PIEZO2: variants seen among roughly 807,000 people sequenced by gnomAD.
PIEZO2 encodes the protein piezo-type mechanosensitive ion channel component 2.
PIEZO2 carries 172 observed loss-of-function variants against 337.3 expected under a neutral mutation model. That is an observed-to-expected ratio of 0.51 (90% CI 0.45 to 0.58). PIEZO2 has a LOEUF of 0.58. Ranked by LOEUF, PIEZO2 falls within the 20% of genes least tolerant of loss-of-function variation. PIEZO2 has a pLI of 0.00. For synonymous variants in PIEZO2, 1,251 were observed against 1,228.5 expected, an observed-to-expected ratio of 1.02 and a Z score of -0.38; for missense variants, 3,028 against 3,391.3, an observed-to-expected ratio of 0.89 and a Z score of 2.66.
At position 10,877,385 on chromosome 18, in the gene PIEZO2, A is replaced by G. The variant is rs1025520834; in HGVS notation, c.330-5970T>C. On this transcript the variant is annotated intron_variant, in intron 4 of 55. Transcript: ENST00000674853. This position sits in a 1 kb window ranked among gnomAD's most constrained non-coding sequence, Gnocchi z 5.3. ...AAATGGTTTTAAGGGCAAATAATGT[A>G]ATGCCCAGTCCAACTCGTCCGCTGA... is the stretch of plus-strand genomic sequence containing the variant. 6.6e-6 allele frequency among the ~76,000 whole-genome samples: 1 copy of G among 152,260 alleles called. No homozygotes were observed. Among genetic ancestry groups the G allele is most frequent in the African/African-American group, 2.4e-5 (1 of 41,472 alleles).
chr18:10,793,326 T>C (rs894430037), intron 13 of PIEZO2, among the ~76,000 whole-genome samples: 14 of 152,224 alleles, frequency 9.2e-5, no homozygotes, highest in Non-Finnish European at 1.8e-4. Flanking sequence ...GATGTATTAC[T>C]ATCTTCTATG....
In PIEZO2 at chr18:10,784,427, T is replaced by C. The variant is rs920661099; in HGVS notation, c.2492+357A>G. Among the ~76,000 whole-genome samples, 19 of 152,220 alleles carry C rather than the reference T, an allele frequency of 1.2e-4. No homozygotes were observed. Among genetic ancestry groups the C allele is most frequent in the African/African-American group, 4.3e-4 (18 of 41,450 alleles). ...ACTTCTGTACTTGTGGTTGGCATAA[T>C]GGAAAAATCCTCTGAATTAGCCAGA... On this transcript the variant is annotated intron_variant, in intron 17 of 55. Coordinates refer to ENST00000674853, the MANE Select transcript of PIEZO2 (RefSeq NM_001378183.1). This position sits in a 1 kb window ranked among gnomAD's most constrained non-coding sequence, Gnocchi z 4.5.
intron 4 of PIEZO2, among the ~76,000 whole-genome samples, chr18:10,905,421 T>C (rs1262725113): frequency 2.0e-5 from 3 of 151,936 alleles, no homozygotes; most frequent in Admixed American, 2.0e-4. Flanking sequence ...CTGTCCCTAC[T>C]AAAAATACAA....
At chr18:10,818,884 T>C (rs1432876327) in intron 7 of PIEZO2, among the ~76,000 whole-genome samples, 1 of 152,212 alleles carries the variant, frequency 6.6e-6, no homozygotes, top group African/African-American at 2.4e-5. Flanking sequence ...TTAGAATATA[T>C]AACCGAATTA....
chr18:10,928,486 G>A (rs2031888398), intron 3 of PIEZO2, among the ~76,000 whole-genome samples: 1 of 152,214 alleles, frequency 6.6e-6, no homozygotes, highest in African/African-American at 2.4e-5. Flanking sequence ...TTTGAGGGGA[G>A]GGAGCCAGAG....
intron 2 of PIEZO2, among the ~76,000 whole-genome samples, chr18:11,059,349 T>A (rs1280414047): frequency 1.3e-5 from 2 of 152,174 alleles, no homozygotes; most frequent in African/African-American, 4.8e-5. Flanking sequence ...CTGCATCAAC[T>A]AACAGGCAAA....
At position 10,770,833 on chromosome 18, in the gene PIEZO2, C is replaced by T. The variant is rs577173237; in HGVS notation, c.2786-525G>A. Among the ~76,000 whole-genome samples the T allele has an allele frequency of 1.2e-3, 180 of 150,832 alleles. 2 individuals carry two copies. Among genetic ancestry groups the T allele is most frequent in the African/African-American group, 2.1e-3 (84 of 40,932 alleles). ...TCTCGGCTCACTGCAACCTCTGCCT[C>T]TTGAGTTCAAGCGATTCTCCTTGAG... On this transcript the variant is annotated intron_variant, in intron 20 of 55. Coordinates refer to ENST00000674853, the MANE Select transcript of PIEZO2 (RefSeq NM_001378183.1).
At chr18:10,951,687 A>G (rs463967) in intron 3 of PIEZO2, among the ~76,000 whole-genome samples, 86,564 of 151,988 alleles carry the variant, frequency 0.57, 24,991 homozygotes, top group African/African-American at 0.62. Flanking sequence ...TTCTTTTGGG[A>G]ACCACTTCTT....
chr18:11,086,885 T>C (rs73400536), intron 1 of PIEZO2, among the ~76,000 whole-genome samples: 4,246 of 152,274 alleles, frequency 0.028, 158 homozygotes, highest in African/African-American at 0.082. Context: ...GTCATGTATG[T>C]TTTAGATTAA....
At position 10,755,647 on chromosome 18, in the gene PIEZO2, AT is replaced by A. The variant is rs1259530972; in HGVS notation, c.3923+2321del. On this transcript the variant is annotated intron_variant, in intron 27 of 55. Transcript: ENST00000674853. ...TAAGCACAAATACTGTGAGGGAAAC[AT>A]GGCCCAGATCAGCTGTCATGAGGCT... 1.1e-4 allele frequency among the ~76,000 whole-genome samples: 16 copies of A among 152,340 alleles called. No homozygotes were observed. In the East Asian group the frequency reaches 3.1e-3, roughly 29 times the overall value.
At chr18:10,712,380 T>C (rs1439198761) in intron 39 of PIEZO2, among the ~76,000 whole-genome samples, 1 of 152,228 alleles carries the variant, frequency 6.6e-6, no homozygotes, top group East Asian at 1.9e-4. Context: ...GAATTAAGTA[T>C]ATTGAATTAA....
intron 3 of PIEZO2, among the ~76,000 whole-genome samples, chr18:10,917,273 T>C (rs1433660082): frequency 6.6e-6 from 1 of 152,202 alleles, no homozygotes; most frequent in Non-Finnish European, 1.5e-5. Flanking sequence ...TGATTTCTAA[T>C]AACAGCTCTG....
At chr18:11,004,321 G>T (rs1485290682) in intron 2 of PIEZO2, among the ~76,000 whole-genome samples, 1 of 152,146 alleles carries the variant, frequency 6.6e-6, no homozygotes, top group Non-Finnish European at 1.5e-5. Flanking sequence ...CCAGATTGGG[G>T]GCTTGGCCCT....
intron 1 of PIEZO2, among the ~76,000 whole-genome samples, chr18:11,073,735 C>T (rs12458630): frequency 0.17 from 26,211 of 152,016 alleles, 3,652 homozygotes; most frequent in African/African-American, 0.39. Context: ...ACTACGAGAG[C>T]TTTAAATGCT....
At position 11,047,380 on chromosome 18, in the gene PIEZO2, C is replaced by G. The variant is rs569475651; in HGVS notation, c.160+18747G>C. ...GAATGGAGTAGGAGCGAGGGAGCCG[C>G]GCAGTGCAGCAAAGGCTCCTGCCTA... On this transcript the variant is annotated intron_variant, in intron 2 of 55. Transcript: ENST00000674853. This position sits in a 1 kb window ranked among gnomAD's most constrained non-coding sequence, Gnocchi z 7.2. Among the ~76,000 whole-genome samples, 1 of 152,144 alleles carries G rather than the reference C, an allele frequency of 6.6e-6. No individual in the cohort carries two copies. Among genetic ancestry groups the G allele is most frequent in the Non-Finnish European group, 1.5e-5 (1 of 68,022 alleles).
intron 7 of PIEZO2, among the ~76,000 whole-genome samples, chr18:10,848,300 T>C (rs149373061): frequency 2.4e-4 from 37 of 152,368 alleles, no homozygotes; most frequent in African/African-American, 7.5e-4. Flanking sequence ...ACAACTATTA[T>C]AAGAAAGTAT....
At position 11,046,455 on chromosome 18, in the gene PIEZO2, C is replaced by T. The variant is rs1047340167; in HGVS notation, c.160+19672G>A. Among the ~76,000 whole-genome samples, 5 of 152,192 alleles carry T rather than the reference C, an allele frequency of 3.3e-5. No homozygotes were observed. The East Asian group carries it at 9.6e-4, about 29-fold the overall frequency. ...CCGGGGGATAAATAAGTAATCAATCCTCACCTACTGCACAGTCAGCTAACT... is the reference window on the plus strand; with the variant it reads ...CCGGGGGATAAATAAGTAATCAATCTTCACCTACTGCACAGTCAGCTAACT... On this transcript the variant is annotated intron_variant, in intron 2 of 55. Transcript: ENST00000674853.
intron 7 of PIEZO2, among the ~76,000 whole-genome samples, chr18:10,818,479 T>C (rs2040429034): frequency 6.6e-6 from 1 of 152,204 alleles, no homozygotes; most frequent in Non-Finnish European, 1.5e-5. Context: ...AATGATTTAC[T>C]CTAGATGAAT....
chr18:11,108,443 G>A (rs935757481), intron 1 of PIEZO2, among the ~76,000 whole-genome samples: 2 of 140,112 alleles, frequency 1.4e-5, no homozygotes, highest in Non-Finnish European at 1.5e-5. Flanking sequence ...GTGAAACCTC[G>A]TCTCTACTAA....
Sources: allele counts gnomAD v4.1 joint callset (sites outside exome capture counted in the v4.1 genomes callset), GRCh38; gene constraint gnomAD v4.1.1; non-coding constraint Gnocchi (gnomAD v3.1); transcripts MANE v1.5; gene names NCBI Gene and HGNC (gene_info 2026-07-23, HGNC 2026-07-21).